ABCC4: variants seen among roughly 807,000 people sequenced by gnomAD.
ABCC4 encodes ATP binding cassette subfamily C member 4 (PEL blood group).
ABCC4 carries 102 observed loss-of-function variants against 168.5 expected under a neutral mutation model. That is an observed-to-expected ratio of 0.61 (90% CI 0.52 to 0.71). The LOEUF is 0.71. Ranked by LOEUF, ABCC4 falls within the 30% of genes least tolerant of loss-of-function variation. ABCC4 has a pLI of 0.00. For missense variants in ABCC4, 1,402 were observed against 1,605.8 expected (o/e 0.87, Z 2.17); for synonymous variants, 617 against 590.7 (o/e 1.04, Z -0.65).
intron 26 of ABCC4, among the ~76,000 whole-genome samples, chr13:95,059,624 A>T (rs1197968943): frequency 7.3e-6 from 1 of 137,854 alleles, no homozygotes; most frequent in Admixed American, 7.6e-5. Context: ...TTTCTCTCTT[A>T]GGCTTTTATT....
chr13:95,157,465 C>T (rs527567443), intron 19 of ABCC4, among the ~76,000 whole-genome samples: 27 of 150,840 alleles, frequency 1.8e-4, no homozygotes, highest in African/African-American at 6.4e-4. Context: ...CCACTGCACT[C>T]GACTGGGCAA....
At chr13:95,069,136 A>G (rs1273913193) in intron 25 of ABCC4, among the ~76,000 whole-genome samples, 1 of 152,210 alleles carries the variant, frequency 6.6e-6, no homozygotes, top group African/African-American at 2.4e-5. Flanking sequence ...TGTGGTGGGA[A>G]GAGCTGAAAA....
chr13:95,209,883 A>G (rs904051090), intron 5 of ABCC4, among the ~76,000 whole-genome samples: 2 of 152,212 alleles, frequency 1.3e-5, no homozygotes, highest in Non-Finnish European at 1.5e-5. Context: ...ATTTTCCAGA[A>G]CTCTCTGCCA....
At chr13:95,282,159 C>T (rs7993685) in intron 1 of ABCC4, among the ~76,000 whole-genome samples, 130,813 of 151,114 alleles carry the variant, frequency 0.87, 57,976 homozygotes, top group Non-Finnish European at 0.96. Context: ...AAAAAATCCC[C>T]GTCTTCAAAT....
At position 95,021,205 on chromosome 13, in the gene ABCC4, T is replaced by C. The variant is rs1029576965; in HGVS notation, c.*370A>G. 1.2e-5 allele frequency: 2 copies of C among 169,234 alleles called. No homozygotes were observed. The highest frequency in any genetic ancestry group is 1.6e-4 in the East Asian group (1 of 6,130). The allele number at this position is 169,234 out of a possible 1,614,324, so 10.5% of individuals were successfully genotyped here. A position where few individuals can be genotyped will look rare whatever the true frequency, so the allele number is the denominator to read the frequency against. On this transcript the variant is annotated 3_prime_UTR_variant, in exon 31 of 31. Transcript: ENST00000645237. ...AAGTAAATAGAATCCCTGATATAAA[T>C]GGAAATTAACATGTAATTTTGGGGG...
intron 19 of ABCC4, among the ~76,000 whole-genome samples, chr13:95,120,919 G>A (rs898361890): frequency 6.6e-6 from 1 of 152,210 alleles, no homozygotes; most frequent in African/African-American, 2.4e-5. Flanking sequence ...CAGCATCTAT[G>A]ACACTGTGAT....
chr13:95,064,053 T>C (rs937269922), intron 25 of ABCC4, among the ~76,000 whole-genome samples: 2 of 152,140 alleles, frequency 1.3e-5, no homozygotes, highest in Non-Finnish European at 2.9e-5. Flanking sequence ...CACCTCCATA[T>C]CTGTAAAGTC....
Position 95,138,854 on chromosome 13 carries a change from G to A in ABCC4, c.2455+22335C>T, listed in dbSNP as rs572813728. On this transcript the variant is annotated intron_variant, in intron 19 of 30. Coordinates refer to ENST00000645237, the MANE Select transcript of ABCC4 (RefSeq NM_005845.5). ...GCATGGCCCAACCTGGCCTGGGCAG[G>A]CCCTCACACCACCTGGCCTGCAATC... is the stretch of plus-strand genomic sequence containing the variant. 5.9e-5 allele frequency among the ~76,000 whole-genome samples: 9 copies of A among 152,342 alleles called. No homozygotes were observed. In the East Asian group the frequency reaches 1.5e-3, roughly 26 times the overall value.
chr13:95,115,923 TG>T lies in ABCC4; in HGVS notation c.2533del (p.Gln845ArgfsTer16). On this transcript the variant is annotated frameshift_variant and splice_region_variant, in exon 20 of 31. Transcript: ENST00000645237. LOFTEE classifies it high-confidence loss of function. ...TCCTGACATTACTCTCAACGTTACC[TG>T]GATGAAATCTAAAAACGTCAGCGGC... ...LLPLTFLDFI[Q>X]TLLQVVGVVS... 6.2e-7 allele frequency: 1 copy of T among 1,610,762 alleles called. No individual in the cohort carries two copies. Among genetic ancestry groups the T allele is most frequent in the Non-Finnish European group, 8.5e-7 (1 of 1,178,462 alleles).
intron 3 of ABCC4, among the ~76,000 whole-genome samples, chr13:95,241,258 A>G (rs2892714): frequency 0.54 from 81,233 of 151,048 alleles, 22,543 homozygotes; most frequent in African/African-American, 0.66. Flanking sequence ...CCAGCTACTC[A>G]GGAGGCAGAG....
intron 19 of ABCC4, among the ~76,000 whole-genome samples, chr13:95,156,240 T>C (rs1311682652): frequency 6.6e-6 from 1 of 152,232 alleles, no homozygotes; most frequent in African/African-American, 2.4e-5. Context: ...TCAAACATAA[T>C]ACGCCACAAT....
chr13:95,187,476 G>A (rs760139643), intron 10 of ABCC4, among the ~76,000 whole-genome samples: 6 of 152,178 alleles, frequency 3.9e-5, no homozygotes, highest in East Asian at 1.9e-4. Flanking sequence ...ATGGTGGCAC[G>A]CCTGTAATCC....
At position 95,252,040 on chromosome 13, in the gene ABCC4, C is replaced by A. The variant is rs897219942; in HGVS notation, c.75-4287G>T. On this transcript the variant is annotated intron_variant, in intron 1 of 30. Transcript: ENST00000645237. ...CCCACCTTTAGTCATTTAGTAGCCA[C>A]CCTGGGCGCTCAGATCTATTGTCAT... 3.8e-4 allele frequency among the ~76,000 whole-genome samples: 58 copies of A among 152,132 alleles called. 1 individual carries two copies. The highest frequency in any genetic ancestry group is 2.4e-4 in the Non-Finnish European group (16 of 68,032).
intron 20 of ABCC4, among the ~76,000 whole-genome samples, chr13:95,091,322 T>C (rs2034427438): frequency 6.6e-6 from 1 of 152,004 alleles, no homozygotes; most frequent in Non-Finnish European, 1.5e-5. Flanking sequence ...TTGAAAAAAA[T>C]CATCACCTAG....
At chr13:95,115,839 A>G (rs2035358101) in intron 20 of ABCC4, 83 bp downstream of exon 20, 1 of 1,133,650 alleles carries the variant, frequency 8.8e-7, no homozygotes, top group Non-Finnish European at 1.3e-6. Flanking sequence ...CGAGAGTCCC[A>G]CCCCCAGACC....
chr13:95,164,081 TA>T, intron 16 of ABCC4, among the ~76,000 whole-genome samples: 1 of 129,326 alleles, frequency 7.7e-6, no homozygotes, highest in East Asian at 2.2e-4. Context: ...AAAGAAAGAA[TA>T]AAAGGCTCAG....
Position 95,207,920 on chromosome 13 carries a change from T to C in ABCC4, c.791A>G (p.Lys264Arg). The change falls in exon 7 of 31, where the codon AAA (lysine) becomes AGA (arginine). Residue 264 changes from lysine (K) to arginine (R), a missense_variant. Physicochemically the swap from Lys to Arg is conservative, Grantham distance 26 (BLOSUM62 2). Around this residue, in one of 3 missense-constraint regions of ABCC4, gnomAD observed 317 missense variants for 345.5 expected, o/e 0.92. Coordinates refer to ENST00000645237, the MANE Select transcript of ABCC4 (RefSeq NM_005845.5). ...FGKLFSSLRS[K>R]TATFTDARIR... ...CCTGGCATCCGTGAAAGTTGCAGTT[T>C]TACTCCTAAGGGGAACCAGACACGG... is the stretch of plus-strand genomic sequence containing the variant. 6.2e-7 allele frequency: 1 copy of C among 1,613,718 alleles called. No homozygotes were observed. The highest frequency in any genetic ancestry group is 8.5e-7 in the Non-Finnish European group (1 of 1,179,948).
intron 1 of ABCC4, among the ~76,000 whole-genome samples, chr13:95,290,507 C>G (rs2041370296): frequency 6.6e-6 from 1 of 151,938 alleles, no homozygotes; most frequent in Admixed American, 6.6e-5. Flanking sequence ...GCGTTCGAGA[C>G]TAGCATGGCC....
intron 20 of ABCC4, among the ~76,000 whole-genome samples, chr13:95,094,991 A>G (rs547928366): frequency 6.6e-6 from 1 of 152,272 alleles, no homozygotes; most frequent in South Asian, 2.1e-4. Context: ...AAATCAGAAA[A>G]CAGTAGATGT....
Sources: allele counts gnomAD v4.1 joint callset (sites outside exome capture counted in the v4.1 genomes callset), GRCh38; gene constraint gnomAD v4.1.1; regional missense constraint gnomAD v4.1.1; transcripts MANE v1.5; gene names NCBI Gene and HGNC (gene_info 2026-07-23, HGNC 2026-07-21).